Variants in C12orf42 observed in about 807,000 individuals in gnomAD.
C12orf42 encodes chromosome 12 open reading frame 42.
Under a neutral mutation model 21.6 loss-of-function variants are expected in C12orf42, and 25 were observed. The ratio of observed to expected loss-of-function variants is 1.16; its 90% confidence interval spans 0.84 to 1.62. C12orf42 has a LOEUF of 1.62. Among genes scored for constraint, C12orf42 ranks in the 40% most tolerant of loss-of-function variants. The probability of loss-of-function intolerance (pLI) is 0.00; values close to 1 mark genes in which losing one functional copy is unlikely to be tolerated. For synonymous variants in C12orf42, 174 were observed against 175.0 expected (o/e 0.99, Z 0.05); for missense variants, 483 against 459.3 (o/e 1.05, Z -0.47).
intron 3 of C12orf42, among the ~76,000 whole-genome samples, chr12:103,395,217 C>G (rs921687518): frequency 2.0e-5 from 3 of 152,180 alleles, no homozygotes; most frequent in African/African-American, 7.2e-5. Context: ...ATGATATCTT[C>G]CTCTGCCACA....
the C12orf42 span, among the ~76,000 whole-genome samples, chr12:103,153,488 G>A: frequency 6.6e-6 from 1 of 152,118 alleles, no homozygotes; most frequent in East Asian, 1.9e-4. Flanking sequence ...TTTAAAAATA[G>A]GCATTCCCAA....
At chr12:103,380,889 G>C (rs1282672450) in intron 3 of C12orf42, among the ~76,000 whole-genome samples, 2 of 152,154 alleles carry the variant, frequency 1.3e-5, no homozygotes, top group Non-Finnish European at 2.9e-5. Flanking sequence ...GAGTGACAGA[G>C]TGGTTAAATA....
At chr12:103,303,334 A>G (rs1380437265) in intron 5 of C12orf42, among the ~76,000 whole-genome samples, 1 of 151,864 alleles carries the variant, frequency 6.6e-6, no homozygotes, top group African/African-American at 2.4e-5. Context: ...TGCATATATA[A>G]ACTTCAAGAT....
chr12:103,523,453 C>A, the C12orf42 span, among the ~76,000 whole-genome samples: 6 of 151,510 alleles, frequency 4.0e-5, no homozygotes, highest in African/African-American at 1.5e-4. Context: ...AGAAAGGGAT[C>A]CTCATATTCC....
chr12:103,226,676 G>C, the C12orf42 span, among the ~76,000 whole-genome samples: 2 of 152,154 alleles, frequency 1.3e-5, no homozygotes, highest in African/African-American at 4.8e-5. Flanking sequence ...AAAGATTATA[G>C]GGCGGAGGAG....
chr12:103,233,022 C>G (rs2033351414), downstream of C12orf42, among the ~76,000 whole-genome samples: 1 of 152,142 alleles, frequency 6.6e-6, no homozygotes, highest in Admixed American at 6.5e-5. Flanking sequence ...CATCTATCTT[C>G]CAATCCTGCT....
intron 4 of C12orf42, among the ~76,000 whole-genome samples, chr12:103,362,297 A>C (rs1490817698): frequency 6.6e-6 from 1 of 152,150 alleles, no homozygotes; most frequent in African/African-American, 2.4e-5. Context: ...CCACATTGCC[A>C]GGAAAAGGGG....
chr12:103,132,340 G>C, the C12orf42 span, among the ~76,000 whole-genome samples: 2 of 69,204 alleles, frequency 2.9e-5, no homozygotes, highest in Non-Finnish European at 5.8e-5. Context: ...TCCTGAAATG[G>C]CTCCCTAACA....
chr12:103,385,381 G>A (rs1192023712), intron 3 of C12orf42, among the ~76,000 whole-genome samples: 1 of 152,068 alleles, frequency 6.6e-6, no homozygotes, highest in Non-Finnish European at 1.5e-5. Flanking sequence ...AAATCTATTG[G>A]CACTGCATGT....
At chr12:103,208,161 C>A in the C12orf42 span, among the ~76,000 whole-genome samples, 1 of 152,146 alleles carries the variant, frequency 6.6e-6, no homozygotes, top group East Asian at 1.9e-4. Flanking sequence ...GCTATCGACT[C>A]CAAGCTCTGG....
At chr12:103,157,820 A>G in the C12orf42 span, among the ~76,000 whole-genome samples, 2 of 152,086 alleles carry the variant, frequency 1.3e-5, no homozygotes, top group East Asian at 3.8e-4. Flanking sequence ...GAAATATTAC[A>G]CTCCAATAAA....
At chr12:103,290,826 G>A (rs772993542) in intron 4 of C12orf42, among the ~76,000 whole-genome samples, 2 of 151,912 alleles carry the variant, frequency 1.3e-5, no homozygotes, top group Non-Finnish European at 2.9e-5. Flanking sequence ...TTTAGAAAAC[G>A]TGTAGAATGG....
the C12orf42 span, among the ~76,000 whole-genome samples, chr12:103,519,398 C>G: frequency 6.6e-6 from 1 of 152,098 alleles, no homozygotes; most frequent in African/African-American, 2.4e-5. Context: ...GTACCATGTA[C>G]TAAGCAGACA....
chr12:103,336,448 T>A (rs1002968819), intron 4 of C12orf42, among the ~76,000 whole-genome samples: 2 of 152,190 alleles, frequency 1.3e-5, no homozygotes, highest in Admixed American at 6.5e-5. Flanking sequence ...TCTTCATCCC[T>A]CTAAGCCTCA....
At chr12:103,449,956 G>T (rs1951833701) in intron 2 of C12orf42, among the ~76,000 whole-genome samples, 1 of 150,970 alleles carries the variant, frequency 6.6e-6, no homozygotes, top group Non-Finnish European at 1.5e-5. Flanking sequence ...CTTAATATAA[G>T]GTTTTATAAT....
the C12orf42 span, among the ~76,000 whole-genome samples, chr12:103,110,697 T>C: frequency 6.6e-6 from 1 of 152,210 alleles, no homozygotes; most frequent in Non-Finnish European, 1.5e-5. Flanking sequence ...TTATGAGTTA[T>C]AATACAAATA....
At chr12:103,239,914 A>C (rs2033653100) in intron 10 of C12orf42, among the ~76,000 whole-genome samples, 1 of 152,174 alleles carries the variant, frequency 6.6e-6, no homozygotes, top group Admixed American at 6.5e-5. Flanking sequence ...CTATCTTGGA[A>C]GAATTGTGGA....
intron 2 of C12orf42, among the ~76,000 whole-genome samples, chr12:103,449,372 T>A (rs1371467323): frequency 6.6e-6 from 1 of 151,868 alleles, no homozygotes; most frequent in East Asian, 1.9e-4. Flanking sequence ...GATAAAAGAC[T>A]ACACATAGAG....
the C12orf42 span, among the ~76,000 whole-genome samples, chr12:103,224,287 A>C: frequency 5.9e-5 from 9 of 152,094 alleles, no homozygotes; most frequent in African/African-American, 1.9e-4. Flanking sequence ...AGAATAGCAG[A>C]TGGAACACTG....
Sources: allele counts gnomAD v4.1 joint callset (sites outside exome capture counted in the v4.1 genomes callset), GRCh38; gene constraint gnomAD v4.1.1; transcripts MANE v1.5; gene names NCBI Gene and HGNC (gene_info 2026-07-23, HGNC 2026-07-21).